KIAA1958: variants seen among roughly 807,000 people sequenced by gnomAD.
The protein encoded by KIAA1958 is uncharacterized protein KIAA1958.
Under a neutral mutation model 47.2 loss-of-function variants are expected in KIAA1958, and 14 were observed. That is an observed-to-expected ratio of 0.30 (90% CI 0.20 to 0.46). The LOEUF (loss-of-function observed/expected upper bound fraction) is 0.46, where lower values mean the gene tolerates loss of function less well. Among genes scored for constraint, KIAA1958 ranks in the 20% least tolerant of loss-of-function variants. The pLI, the probability that KIAA1958 is intolerant of heterozygous loss-of-function variation, is 1.00. For missense variants in KIAA1958, 803 were observed against 909.2 expected (o/e 0.88, Z 1.50); for synonymous variants, 354 against 353.3 (o/e 1.00, Z -0.02).
chr9:112,550,230 C>CTGAG (rs1265682466), intron 1 of KIAA1958, among the ~76,000 whole-genome samples: 5 of 150,844 alleles, frequency 3.3e-5, no homozygotes, highest in African/African-American at 1.2e-4. Flanking sequence ...AGTAACCATT[C>CTGAG]TGAGTGTATC....
At chr9:112,550,591 C>T (rs1425884200) in intron 1 of KIAA1958, among the ~76,000 whole-genome samples, 1 of 152,142 alleles carries the variant, frequency 6.6e-6, no homozygotes, top group Non-Finnish European at 1.5e-5. Flanking sequence ...AGATTAAAAT[C>T]AGTGCAGGGA....
chr9:112,568,021 A>G (rs768019662), intron 1 of KIAA1958, among the ~76,000 whole-genome samples: 2 of 151,752 alleles, frequency 1.3e-5, no homozygotes, highest in African/African-American at 4.8e-5. Flanking sequence ...ATTAAAGGAT[A>G]CTTATTTTAC....
intron 2 of KIAA1958, among the ~76,000 whole-genome samples, chr9:112,576,503 A>G (rs145954703): frequency 1.6e-4 from 25 of 152,282 alleles, no homozygotes; most frequent in African/African-American, 6.0e-4. Context: ...ACCCATTAAC[A>G]GTCACTTTTT....
intron 2 of KIAA1958, among the ~76,000 whole-genome samples, chr9:112,583,772 C>T (rs1373194639): frequency 2.6e-5 from 4 of 152,040 alleles, no homozygotes; most frequent in Non-Finnish European, 5.9e-5. Flanking sequence ...GACACACACA[C>T]TTAATTAAAC....
At chr9:112,601,308 T>C (rs973451103) in intron 2 of KIAA1958, among the ~76,000 whole-genome samples, 1 of 152,202 alleles carries the variant, frequency 6.6e-6, no homozygotes, top group African/African-American at 2.4e-5. Flanking sequence ...CAAAAATCAT[T>C]TAAATAAACA....
intron 2 of KIAA1958, among the ~76,000 whole-genome samples, chr9:112,578,853 T>C (rs2131178762): frequency 6.6e-6 from 1 of 152,190 alleles, no homozygotes. Context: ...TAAATCTCTA[T>C]CGCATCATGA....
intron 2 of KIAA1958, among the ~76,000 whole-genome samples, chr9:112,643,880 G>A (rs939007826): frequency 5.3e-5 from 8 of 152,080 alleles, no homozygotes; most frequent in African/African-American, 1.4e-4. Flanking sequence ...TTTGATTGGC[G>A]CAAAGACCAT....
intron 1 of KIAA1958, among the ~76,000 whole-genome samples, chr9:112,487,534 G>C (rs986510773): frequency 2.6e-5 from 4 of 152,194 alleles, no homozygotes; most frequent in East Asian, 3.9e-4. Flanking sequence ...TGTCCTCTTA[G>C]TTTCCAAGTC....
chr9:112,608,532 T>TAATC (rs1388267494), intron 2 of KIAA1958, among the ~76,000 whole-genome samples: 13 of 152,228 alleles, frequency 8.5e-5, no homozygotes, highest in African/African-American at 2.9e-4. Flanking sequence ...TGCACACCTG[T>TAATC]AATCCCAGCA....
At chr9:112,603,952 A>G (rs1386860091) in intron 2 of KIAA1958, among the ~76,000 whole-genome samples, 1 of 152,196 alleles carries the variant, frequency 6.6e-6, no homozygotes, top group Non-Finnish European at 1.5e-5. Context: ...TTTCTTTATC[A>G]AGTGAAAAAT....
At chr9:112,492,305 C>G (rs956863846) in intron 1 of KIAA1958, among the ~76,000 whole-genome samples, 4 of 152,186 alleles carry the variant, frequency 2.6e-5, no homozygotes, top group Admixed American at 6.5e-5. Flanking sequence ...ACTTGGTCTT[C>G]CCTCTGTGTA....
intron 1 of KIAA1958, among the ~76,000 whole-genome samples, chr9:112,526,271 T>A (rs1834650385): frequency 6.6e-6 from 1 of 151,194 alleles, no homozygotes; most frequent in Admixed American, 6.6e-5. Context: ...TTTTTTTTCT[T>A]GAGACAGATT....
Position 112,546,627 on chromosome 9 carries a change from C to T in KIAA1958, c.-24-27430C>T, listed in dbSNP as rs781382556. On this transcript the variant is annotated intron_variant, in intron 1 of 3. Coordinates refer to ENST00000337530, the MANE Select transcript of KIAA1958 (RefSeq NM_133465.4). Reference sequence around the variant, plus strand: ...CCATGAACCCATGTGGCCTCCCAAACTGAACTCCAATTTTGAGGTTTGCCC... The same window carrying T: ...CCATGAACCCATGTGGCCTCCCAAATTGAACTCCAATTTTGAGGTTTGCCC... Among the ~76,000 whole-genome samples the T allele has an allele frequency of 2.6e-4, 39 of 152,120 alleles. 1 individual carries two copies. The highest frequency in any genetic ancestry group is 2.8e-4 in the Non-Finnish European group (19 of 68,020).
chr9:112,566,760 A>G (rs1339522534), intron 1 of KIAA1958, among the ~76,000 whole-genome samples: 1 of 152,126 alleles, frequency 6.6e-6, no homozygotes, highest in Middle Eastern at 3.4e-3. Flanking sequence ...AATCAGGAGG[A>G]CTTTTGTTTT....
At chr9:112,516,615 C>G (rs1424568133) in intron 1 of KIAA1958, among the ~76,000 whole-genome samples, 2 of 152,060 alleles carry the variant, frequency 1.3e-5, no homozygotes, top group African/African-American at 4.8e-5. Context: ...TTATAAAGCT[C>G]TTATAGAAAT....
At chr9:112,505,597 A>G (rs2132770851) in intron 1 of KIAA1958, among the ~76,000 whole-genome samples, 1 of 152,364 alleles carries the variant, frequency 6.6e-6, no homozygotes. Flanking sequence ...TTTATTAAGA[A>G]CATTTTAAAA....
rs533114684 is a variant in KIAA1958, at chr9:112,667,354, A to G, written c.*7285A>G. 1 of 152,266 alleles carries G rather than the reference A, an allele frequency of 6.6e-6. No homozygotes were observed. Among genetic ancestry groups the G allele is most frequent in the Non-Finnish European group, 1.5e-5 (1 of 68,076 alleles). The allele number at this position is 152,266 out of a possible 1,614,324, so 9.4% of individuals were successfully genotyped here. On this transcript the variant is annotated 3_prime_UTR_variant, in exon 4 of 4. Coordinates refer to ENST00000337530, the MANE Select transcript of KIAA1958 (RefSeq NM_133465.4). The stretch of plus-strand genomic sequence containing the variant: ...CACTTTGGGATGCCGAGGCAGGCAG[A>G]TCATCTGAGGTCAGGAGTTCAAGAC...
At chr9:112,585,745 G>C (rs1265127377) in intron 2 of KIAA1958, among the ~76,000 whole-genome samples, 3 of 152,166 alleles carry the variant, frequency 2.0e-5, no homozygotes, top group African/African-American at 7.2e-5. Flanking sequence ...TGAGTGTTTG[G>C]CCTCTTAGAG....
At position 112,574,651 on chromosome 9, in the gene KIAA1958, G is replaced by T; in HGVS notation, c.571G>T (p.Val191Phe). The part of the protein sequence containing the change: ...SLHSSSQTQM[V>F]DECSNDVIIK... ...CCATTCAAGCTCCCAGACGCAGATG[G>T]TTGACGAATGCAGCAATGATGTCAT... The change falls in exon 2 of 4, where the codon GTT becomes TTT. Residue 191 changes from valine to phenylalanine, a missense_variant. Val to Phe is a conservative substitution (Grantham distance 50, BLOSUM62 -1). This residue lies in a region of KIAA1958 where 761 missense variants were observed against 829.3 expected (regional missense o/e 0.92). Coordinates refer to ENST00000337530, the MANE Select transcript of KIAA1958 (RefSeq NM_133465.4). The T allele has an allele frequency of 6.2e-7, 1 of 1,614,162 alleles. No homozygotes were observed. The highest frequency in any genetic ancestry group is 1.1e-5 in the South Asian group (1 of 91,072).
Sources: allele counts gnomAD v4.1 joint callset (sites outside exome capture counted in the v4.1 genomes callset), GRCh38; gene constraint gnomAD v4.1.1; regional missense constraint gnomAD v4.1.1; transcripts MANE v1.5; gene names NCBI Gene and HGNC (gene_info 2026-07-23, HGNC 2026-07-21).